The following SOAT2 variants were observed in gnomAD, a reference collection of about 807,000 sequenced individuals.
SOAT2 encodes the protein ACAT-2.
SOAT2 carries 87 observed loss-of-function variants against 76.0 expected under a neutral mutation model. That is an observed-to-expected ratio of 1.14 (90% CI 0.96 to 1.37). The LOEUF (loss-of-function observed/expected upper bound fraction) is 1.37. Among genes scored for constraint, SOAT2 ranks in the 40% most tolerant of loss-of-function variants. The probability of loss-of-function intolerance (pLI) is 0.00; values close to 1 mark genes in which losing one functional copy is unlikely to be tolerated. For synonymous variants in SOAT2, 285 were observed against 275.4 expected (o/e 1.03, Z -0.34); for missense variants, 686 against 682.1 (o/e 1.01, Z -0.06).
intron 10 of SOAT2, among the ~76,000 whole-genome samples, chr12:53,119,920 CTGTGTG>C (rs769016950): frequency 6.6e-6 from 1 of 152,218 alleles, no homozygotes; most frequent in Non-Finnish European, 1.5e-5. Flanking sequence ...GTCTCTGTCT[CTGTGTG>C]TGTCTCACTT....
chr12:53,120,582 C>T (rs1280462718), intron 10 of SOAT2, among the ~76,000 whole-genome samples: 2 of 146,254 alleles, frequency 1.4e-5, no homozygotes, highest in South Asian at 2.1e-4. Context: ...GAGGCTGCAG[C>T]GAGCTATGAT....
At chr12:53,116,920 T>TA (rs750579315) in intron 7 of SOAT2, among the ~76,000 whole-genome samples, 16 of 151,576 alleles carry the variant, frequency 1.1e-4, no homozygotes, top group Non-Finnish European at 2.1e-4. Flanking sequence ...CTTGAACACT[T>TA]AAAGACCATT....
At chr12:53,115,964 G>C in intron 6 of SOAT2, 133 bp from the exon 7 acceptor site, 1 of 816,072 alleles carries the variant, frequency 1.2e-6, no homozygotes. Flanking sequence ...CCAACAAAAA[G>C]AAAAAGTATG....
At position 53,107,622 on chromosome 12, in the gene SOAT2, C is replaced by CTTT. The variant is rs1303838303; in HGVS notation, c.443+1624_443+1626dup. On this transcript the variant is annotated intron_variant, in intron 5 of 14. Transcript: ENST00000301466. ...AGACTAGAATTTAACAACAGATGTA[C>CTTT]TTTTTTTTTTTTTTTTTTGAGACAG... Among the ~76,000 whole-genome samples the CTTT allele has an allele frequency of 2.2e-3, 257 of 117,026 alleles. 27 individuals are homozygous for CTTT. The highest frequency in any genetic ancestry group is 9.0e-3 in the African/African-American group (245 of 27,212). The allele number at this position is 117,026 out of a possible 152,430, so 76.8% of individuals were successfully genotyped here. A position where few individuals can be genotyped will look rare whatever the true frequency, so the allele number is the denominator to read the frequency against.
At chr12:53,105,681 G>T (rs750026537) in intron 4 of SOAT2, 61 bp downstream of exon 4, 284 of 1,472,424 alleles carry the variant, frequency 1.9e-4, no homozygotes, top group Non-Finnish European at 2.5e-4. Context: ...AGGGGTCAAG[G>T]TACCTCATTT....
intron 4 of SOAT2, 63 bp downstream of exon 4, chr12:53,105,683 AC>A: frequency 6.9e-7 from 1 of 1,452,310 alleles, no homozygotes; most frequent in South Asian, 1.2e-5. Flanking sequence ...GGGTCAAGGT[AC>A]CTCATTTCTC....
chr12:53,103,597 G>A lies in SOAT2; in HGVS notation c.20G>A (p.Arg7His), dbSNP rs76539516. Residue 7 changes from arginine to histidine, a missense_variant, in exon 1 of 15, where the codon CGT (arginine) becomes CAT (histidine). By Grantham distance (29) the Arg-to-His change is conservative. Coordinates refer to ENST00000301466, the MANE Select transcript of SOAT2 (RefSeq NM_003578.4). Reference protein sequence around the residue: MEPGGARLRLQRTEGLG... With the variant: MEPGGAHLRLQRTEGLG... ...CGCACCATGGAGCCAGGCGGGGCCC[G>A]TCTGCGTCTGCAGAGGACAGAAGGG... 1.7e-4 allele frequency: 257 copies of A among 1,546,618 alleles called. 1 individual carries two copies. The highest frequency in any genetic ancestry group is 1.4e-3 in the African/African-American group (101 of 73,164).
At chr12:53,105,000 A>G in intron 2 of SOAT2, 107 bp from the exon 3 acceptor site, 1 of 760,452 alleles carries the variant, frequency 1.3e-6, no homozygotes. Context: ...TTTTTTTTTT[A>G]AAAAAAGCAC....
chr12:53,105,586 CAG>C lies in SOAT2; in HGVS notation c.303_304del (p.Lys102SerfsTer10), dbSNP rs889002716. 9 of 1,611,676 alleles carry C rather than the reference CAG, an allele frequency of 5.6e-6. No homozygotes were observed. The highest frequency in any genetic ancestry group is 4.0e-5 in the African/African-American group (3 of 74,884). ...SRTQEPSLGK[Q>X]KVFIIRKSLL... ...GACCCAGGAGCCATCCCTGGGGAAA[CAG>C]AAAGTTTTCATCATCCGCAAGTCCC... On this transcript the variant is annotated frameshift_variant, in exon 4 of 15. Coordinates refer to ENST00000301466, the MANE Select transcript of SOAT2 (RefSeq NM_003578.4). LOFTEE classifies it high-confidence loss of function.
At chr12:53,109,256 A>G (rs898148906) in intron 5 of SOAT2, among the ~76,000 whole-genome samples, 1 of 152,016 alleles carries the variant, frequency 6.6e-6, no homozygotes, top group African/African-American at 2.4e-5. Flanking sequence ...ATAAATAACA[A>G]TTCTAATTAT....
intron 5 of SOAT2, among the ~76,000 whole-genome samples, chr12:53,114,038 G>A (rs1938063225): frequency 6.6e-6 from 1 of 152,100 alleles, no homozygotes; most frequent in Non-Finnish European, 1.5e-5. Flanking sequence ...GTGGGCTTTT[G>A]TTACATTCTG....
At chr12:53,104,238 G>C in intron 2 of SOAT2, 32 bp downstream of exon 2, 1 of 1,558,568 alleles carries the variant, frequency 6.4e-7, no homozygotes, top group Non-Finnish European at 8.8e-7. Flanking sequence ...AGGTCAAGTG[G>C]ACAGATCCTT....
In SOAT2 at chr12:53,120,779, C is replaced by T. The variant is rs1270068305; in HGVS notation, c.1040-7C>T. ...CTGACCTGCAGCCTCTTGTCCCCAACCACCAGGCATCTTCATGCTGCTGCT... is the reference window on the plus strand; with the variant it reads ...CTGACCTGCAGCCTCTTGTCCCCAATCACCAGGCATCTTCATGCTGCTGCT... On this transcript the variant is annotated splice_region_variant and splice_polypyrimidine_tract_variant and intron_variant, in intron 10 of 14. Coordinates refer to ENST00000301466, the MANE Select transcript of SOAT2 (RefSeq NM_003578.4). 9.3e-6 allele frequency: 15 copies of T among 1,611,170 alleles called. No individual in the cohort carries two copies. Among genetic ancestry groups the T allele is most frequent in the Non-Finnish European group, 1.3e-5 (15 of 1,177,360 alleles).
chr12:53,115,488 C>A lies in SOAT2; in HGVS notation c.542C>A (p.Pro181Gln). The change falls in exon 6 of 15, where the codon CCG (proline) becomes CAG (glutamine). Residue 181 changes from proline (P) to glutamine (Q), a missense_variant. Pro to Gln is a moderately conservative substitution (Grantham distance 76, BLOSUM62 -1). Transcript: ENST00000301466. ...VPMFLSTLLA[P>Q]YQALRLWARG... ...ATGTTTCTGTCCACCCTGTTGGCGC[C>A]GTACCAGGCCCTACGGCTGTGGGCC... 6.2e-7 allele frequency: 1 copy of A among 1,611,048 alleles called. No homozygotes were observed. The highest frequency in any genetic ancestry group is 8.5e-7 in the Non-Finnish European group (1 of 1,179,752).
At chr12:53,116,191 G>A in intron 7 of SOAT2, 25 bp downstream of exon 7, 1 of 1,599,656 alleles carries the variant, frequency 6.3e-7, no homozygotes, top group Non-Finnish European at 8.6e-7. Context: ...TTGCCCGGTT[G>A]TGAACTCAGT....
intron 6 of SOAT2, 54 bp from the exon 7 acceptor site, chr12:53,116,043 G>A (rs1482959712): frequency 2.0e-6 from 3 of 1,483,704 alleles, no homozygotes; most frequent in African/African-American, 2.8e-5. Flanking sequence ...GAGAGGTTAA[G>A]CGATTTGCTT....
intron 12 of SOAT2, among the ~76,000 whole-genome samples, 154 bp from the exon 13 acceptor site, chr12:53,122,927 C>T (rs1211426815): frequency 2.0e-5 from 3 of 151,992 alleles, no homozygotes; most frequent in Non-Finnish European, 4.4e-5. Context: ...AGGCGCCCCT[C>T]ACCTCCCGGA....
chr12:53,123,888 C>T lies in SOAT2; in HGVS notation c.1518+15C>T. ...CCTTACCCCAGGTAAGAGACCACAA[C>T]CCTCATCCAGCTCCCCATCCATGAG... On this transcript the variant is annotated intron_variant, in intron 14 of 14. Transcript: ENST00000301466. The T allele has an allele frequency of 6.2e-7, 1 of 1,613,974 alleles. No homozygotes were observed. Among genetic ancestry groups the T allele is most frequent in the Non-Finnish European group, 8.5e-7 (1 of 1,179,926 alleles).
Position 53,116,110 on chromosome 12 carries a change from T to C in SOAT2, c.722T>C (p.Met241Thr), listed in dbSNP as rs1035800052. The C allele has an allele frequency of 1.2e-6, 2 of 1,614,172 alleles. No individual in the cohort carries two copies. The highest frequency in any genetic ancestry group is 1.7e-6 in the Non-Finnish European group (2 of 1,179,978). Residue 241 changes from methionine to threonine, a missense_variant, in exon 7 of 15, where the codon ATG becomes ACG. Coordinates refer to ENST00000301466, the MANE Select transcript of SOAT2 (RefSeq NM_003578.4). Reference protein sequence around the residue: ...VLVFEQVRFLMKSYSFLREAV... With the variant: ...VLVFEQVRFLTKSYSFLREAV... Reference sequence around the variant, plus strand: ...ATTCTGCCACAGGTTAGGTTCCTGATGAAAAGCTACTCCTTCCTGAGAGAG... The same window carrying C: ...ATTCTGCCACAGGTTAGGTTCCTGACGAAAAGCTACTCCTTCCTGAGAGAG...
Sources: allele counts gnomAD v4.1 joint callset (sites outside exome capture counted in the v4.1 genomes callset), GRCh38; gene constraint gnomAD v4.1.1; transcripts MANE v1.5; gene names NCBI Gene and HGNC (gene_info 2026-07-23, HGNC 2026-07-21).